PCDHA3: variants seen among roughly 807,000 people sequenced by gnomAD.
PCDHA3 encodes protocadherin alpha 3, also known as protocadherin alpha-3.
A neutral mutation model predicts 62.2 loss-of-function variants in PCDHA3; 41 were observed. That is an observed-to-expected ratio of 0.66 (90% CI 0.51 to 0.86). The LOEUF (loss-of-function observed/expected upper bound fraction) is 0.86. Among genes scored for constraint, PCDHA3 ranks in the 40% least tolerant of loss-of-function variants. The pLI is 0.00. For synonymous variants in PCDHA3, 640 were observed against 555.4 expected, an observed-to-expected ratio of 1.15 and a Z score of -2.14; for missense variants, 1,304 against 1,241.2, an observed-to-expected ratio of 1.05 and a Z score of -0.76.
intron 1 of PCDHA3, chr5:140,928,089 T>G: frequency 6.2e-7 from 1 of 1,614,192 alleles, no homozygotes; most frequent in Non-Finnish European, 8.5e-7. Context: ...GCCTGCTGAT[T>G]GATGGGCCCC....
intron 1 of PCDHA3, chr5:140,836,111 A>C: frequency 1.2e-6 from 2 of 1,613,698 alleles, no homozygotes; most frequent in South Asian, 2.2e-5. Flanking sequence ...CTGGTGGCGC[A>C]GTGAGAGAGC....
chr5:140,946,491 G>T (rs1292553232), intron 1 of PCDHA3, among the ~76,000 whole-genome samples: 2 of 151,676 alleles, frequency 1.3e-5, no homozygotes, highest in Middle Eastern at 3.4e-3. Context: ...CAAAGGAAAT[G>T]AAATCAGTAT....
In PCDHA3 at chr5:140,801,346, A is replaced by C; in HGVS notation, c.149A>C (p.Gln50Pro). The C allele has an allele frequency of 3.1e-6, 5 of 1,613,340 alleles. No homozygotes were observed. Among genetic ancestry groups the C allele is most frequent in the Non-Finnish European group, 4.2e-6 (5 of 1,179,924 alleles). Reference sequence around the variant, plus strand: ...GGCACCTTCGTGGGCCGCATCGCGCAGGACCTGGGGCTGGAGCTGGCGGAG... The same window carrying C: ...GGCACCTTCGTGGGCCGCATCGCGCCGGACCTGGGGCTGGAGCTGGCGGAG... ...KHGTFVGRIA[Q>P]DLGLELAELV... is the part of the protein sequence containing the mutation. The change falls in exon 1 of 4, where the codon CAG (glutamine) becomes CCG (proline). Residue 50 changes from glutamine to proline, a missense_variant. By Grantham distance (76) the Gln-to-Pro change is moderately conservative. Transcript: ENST00000522353.
chr5:140,968,063 G>A, intron 1 of PCDHA3: 1 of 1,614,096 alleles, frequency 6.2e-7, no homozygotes. Flanking sequence ...AGAGCGGGTG[G>A]CTGTCTACAA....
intron 1 of PCDHA3, among the ~76,000 whole-genome samples, chr5:140,936,014 T>C (rs1405282987): frequency 4.0e-5 from 6 of 151,334 alleles, no homozygotes; most frequent in Non-Finnish European, 8.8e-5. Flanking sequence ...CACCTCAGCC[T>C]CCCGAGTAGC....
At chr5:140,880,214 A>C (rs2058267657) in intron 1 of PCDHA3, among the ~76,000 whole-genome samples, 1 of 152,224 alleles carries the variant, frequency 6.6e-6, no homozygotes, top group African/African-American at 2.4e-5. Flanking sequence ...TTCCACCAGA[A>C]GTAGAACATT....
intron 1 of PCDHA3, chr5:140,858,134 G>T (rs1277423393): frequency 3.1e-6 from 5 of 1,597,762 alleles, no homozygotes; most frequent in East Asian, 2.2e-5. Context: ...GGATGTCAAC[G>T]TGTACCTGAT....
At chr5:140,898,957 G>A (rs1165991766) in intron 1 of PCDHA3, among the ~76,000 whole-genome samples, 13 of 152,052 alleles carry the variant, frequency 8.5e-5, no homozygotes, top group Admixed American at 8.5e-4. Flanking sequence ...AAGCAGTTGT[G>A]AATGGGAGTT....
At chr5:140,890,902 G>A (rs781819787) in intron 1 of PCDHA3, among the ~76,000 whole-genome samples, 16 of 152,080 alleles carry the variant, frequency 1.1e-4, no homozygotes, top group Non-Finnish European at 1.5e-4. Context: ...GTCTTTCCAT[G>A]TTAGAATAAT....
chr5:140,998,639 A>G (rs1165002908), intron 3 of PCDHA3, among the ~76,000 whole-genome samples: 2 of 151,766 alleles, frequency 1.3e-5, no homozygotes, highest in African/African-American at 2.4e-5. Flanking sequence ...ATCTCAGCTC[A>G]CTGCAACCTC....
chr5:140,960,053 G>A (rs2095524432), intron 1 of PCDHA3, among the ~76,000 whole-genome samples: 3 of 152,156 alleles, frequency 2.0e-5, no homozygotes, highest in Non-Finnish European at 4.4e-5. Flanking sequence ...TTAAAAACAT[G>A]TACAGAAGAT....
intron 1 of PCDHA3, among the ~76,000 whole-genome samples, chr5:140,949,891 T>G (rs2094429972): frequency 6.6e-6 from 1 of 151,864 alleles, no homozygotes; most frequent in African/African-American, 2.4e-5. Context: ...TTCCTCAGAA[T>G]CTCTTTTAAT....
chr5:140,968,206 G>A lies in PCDHA3; in HGVS notation c.2395-10743G>A, dbSNP rs782751494. Reference sequence around the variant, plus strand: ...ACTCCTATTCCATCTACATACAGGAGAACAATTTGCCAGGTGTGTTGCTCT... The same window carrying A: ...ACTCCTATTCCATCTACATACAGGAAAACAATTTGCCAGGTGTGTTGCTCT... On this transcript the variant is annotated intron_variant, in intron 1 of 3. Coordinates refer to ENST00000522353, the MANE Select transcript of PCDHA3 (RefSeq NM_018906.3). 170 of 1,613,876 alleles carry A rather than the reference G, an allele frequency of 1.1e-4. 1 individual carries two copies. Among genetic ancestry groups the A allele is most frequent in the Non-Finnish European group, 1.4e-4 (163 of 1,180,042 alleles).
chr5:140,835,221 T>G (rs2150232030), intron 1 of PCDHA3: 2 of 1,587,286 alleles, frequency 1.3e-6, no homozygotes, highest in Admixed American at 1.8e-5. Context: ...TATTATTTAC[T>G]CCTTCTCCAG....
chr5:140,830,242 G>A, intron 1 of PCDHA3: 1 of 1,613,960 alleles, frequency 6.2e-7, no homozygotes, highest in Non-Finnish European at 8.5e-7. Context: ...CGCTACTGCT[G>A]TACACAGCGC....
intron 1 of PCDHA3, among the ~76,000 whole-genome samples, chr5:140,964,454 T>G (rs1392277569): frequency 6.6e-6 from 1 of 152,132 alleles, no homozygotes. Flanking sequence ...CTGTAATCTC[T>G]TCCTTAAGTG....
chr5:140,884,418 T>C, intron 1 of PCDHA3: 2 of 1,613,974 alleles, frequency 1.2e-6, no homozygotes, highest in South Asian at 2.2e-5. Flanking sequence ...ACGTTGCTGC[T>C]GTATACTGCG....
rs1359439804 is a variant in PCDHA3 at position 140,846,369 on chromosome 5, CTTTCTTTTTT to C, written c.2394+42782_2394+42791del. ...TTCTCTTTTTTCTTTTCTTTTCTTTCTTTCTTTTTTTTTTTTTTTTTTTGAGACGGAGTCT... is the reference window on the plus strand; with the variant it reads ...TTCTCTTTTTTCTTTTCTTTTCTTTCTTTTTTTTTTTTTGAGACGGAGTCT... On this transcript the variant is annotated intron_variant, in intron 1 of 3. Coordinates refer to ENST00000522353, the MANE Select transcript of PCDHA3 (RefSeq NM_018906.3). 7.0e-4 allele frequency among the ~76,000 whole-genome samples: 72 copies of C among 102,178 alleles called. 4 individuals are homozygous for C. The highest frequency in any genetic ancestry group is 2.6e-3 in the African/African-American group (68 of 26,232). The allele number at this position is 102,178 out of a possible 152,430, so 67.0% of individuals were successfully genotyped here.
intron 1 of PCDHA3, among the ~76,000 whole-genome samples, chr5:140,965,161 G>A (rs151157194): frequency 1.5e-4 from 23 of 152,334 alleles, no homozygotes; most frequent in African/African-American, 5.5e-4. Flanking sequence ...GAGAAAGGAC[G>A]TTTTAGTGAG....
Sources: allele counts gnomAD v4.1 joint callset (sites outside exome capture counted in the v4.1 genomes callset), GRCh38; gene constraint gnomAD v4.1.1; transcripts MANE v1.5; gene names NCBI Gene and HGNC (gene_info 2026-07-23, HGNC 2026-07-21).